CYP1A1: variants seen among roughly 807,000 people sequenced by gnomAD.
CYP1A1 encodes the protein cytochrome P450 1A1.
Under a neutral mutation model 33.6 loss-of-function variants are expected in CYP1A1, and 43 were observed. The ratio of observed to expected loss-of-function variants is 1.28; its 90% CI spans 1.00 to 1.65. The LOEUF is 1.65. Among genes scored for constraint, CYP1A1 ranks in the 40% most tolerant of loss-of-function variants. The pLI is 0.00. For missense variants in CYP1A1, 637 were observed against 653.7 expected, an observed-to-expected ratio of 0.97 and a Z score of 0.28; for synonymous variants, 280 against 257.8, an observed-to-expected ratio of 1.09 and a Z score of -0.83.
chr15:74,721,605 T>TAG lies in CYP1A1; in HGVS notation c.937_938insCT (p.Asp313AlafsTer23). 1 of 1,613,970 alleles carries TAG rather than the reference T, an allele frequency of 6.2e-7. No individual in the cohort carries two copies. Among genetic ancestry groups the TAG allele is most frequent in the African/African-American group, 1.3e-5 (1 of 74,944 alleles). The stretch of plus-strand genomic sequence containing the variant: ...GGTAACCATACCAGCTCCAAAGAGG[T>TAG]CCAAGACGATGTTAATGATCTTCTC... On this transcript the variant is annotated frameshift_variant, in exon 3 of 7. Coordinates refer to ENST00000379727, the MANE Select transcript of CYP1A1 (RefSeq NM_001319217.2). LOFTEE classifies it high-confidence loss of function.
At chr15:74,724,039 TC>T (rs1322504900) in intron 1 of CYP1A1, among the ~76,000 whole-genome samples, 1 of 152,090 alleles carries the variant, frequency 6.6e-6, no homozygotes, top group Non-Finnish European at 1.5e-5. Context: ...GTTCAACTGA[TC>T]CACAGTTTAA....
intron 1 of CYP1A1, among the ~76,000 whole-genome samples, chr15:74,724,683 G>A (rs1451936299): frequency 1.3e-5 from 2 of 150,272 alleles, no homozygotes; most frequent in Non-Finnish European, 3.0e-5. Context: ...AGGGGACAGT[G>A]CCAGGCTTTG....
At chr15:74,722,047 G>C in intron 2 of CYP1A1, 1 of 596,302 alleles carries the variant, frequency 1.7e-6, no homozygotes. Context: ...TGCATGTAAT[G>C]ACTCTTCAGT....
Position 74,720,304 on chromosome 15 carries a change from A to T in CYP1A1, c.*185T>A. 1.9e-6 allele frequency: 1 copy of T among 535,314 alleles called. No homozygotes were observed. Among genetic ancestry groups the T allele is most frequent in the South Asian group, 3.9e-5 (1 of 25,438 alleles). The allele number at this position is 535,314 out of a possible 1,614,324, so 33.2% of individuals were successfully genotyped here. ...CCTGTTGTCTCTGGAGGGTGTGCAG[A>T]GGCAAGTCCAGGGTAGGGGCAGGCA... is the stretch of plus-strand genomic sequence containing the variant. On this transcript the variant is annotated 3_prime_UTR_variant, in exon 7 of 7. Transcript: ENST00000379727.
chr15:74,722,029 C>T, intron 2 of CYP1A1: 1 of 592,932 alleles, frequency 1.7e-6, no homozygotes, highest in Non-Finnish European at 3.0e-6. Context: ...GCAACTGCCC[C>T]AGGGTCCTGC....
At chr15:74,723,866 G>A (rs35992445) in intron 1 of CYP1A1, among the ~76,000 whole-genome samples, 7 of 152,280 alleles carry the variant, frequency 4.6e-5, no homozygotes, top group African/African-American at 1.7e-4. Flanking sequence ...TCCTTTTGAA[G>A]AGTGGTCAGA....
chr15:74,723,210 G>C lies in CYP1A1; in HGVS notation c.-29-84C>G, dbSNP rs888842899. On this transcript the variant is annotated intron_variant, in intron 1 of 6. Transcript: ENST00000379727. ...CCAATATCTAGAGTGTCAGGGAAAG[G>C]GGAAACCTTTCCACCAGAACTGCTT... is the stretch of plus-strand genomic sequence containing the variant. 15 of 788,118 alleles carry C rather than the reference G, an allele frequency of 1.9e-5. No individual in the cohort carries two copies. In the African/African-American group the frequency reaches 1.9e-4, roughly 10 times the overall value. The allele number at this position is 788,118 out of a possible 1,614,324, so 48.8% of individuals were successfully genotyped here.
At position 74,723,035 on chromosome 15, in the gene CYP1A1, C is replaced by G. The variant is rs1379291210; in HGVS notation, c.63G>C (p.Leu21=). The change falls in exon 2 of 7, where the codon CTG becomes CTC. Residue 21 remains leucine (L), a synonymous_variant. Transcript: ENST00000379727. ...TTGAGGCCCTGATTACCCAGAATAC[C>G]AGACAGAAGATGACAGAGGCCAGAA... ...EFLLASVIFC[L]VFWVIRASRP... 6.2e-7 allele frequency: 1 copy of G among 1,611,682 alleles called. No individual in the cohort carries two copies. The highest frequency in any genetic ancestry group is 8.5e-7 in the Non-Finnish European group (1 of 1,178,640).
rs1271388559 is a variant in CYP1A1, at chr15:74,725,507, G to T, written c.-96C>A. The T allele has an allele frequency of 1.3e-5, 2 of 152,176 alleles. No homozygotes were observed. Among genetic ancestry groups the T allele is most frequent in the Non-Finnish European group, 2.9e-5 (2 of 68,092 alleles). 9.4% of individuals were successfully genotyped at this position (152,176 alleles called of 1,614,324 possible). ...CCTGGGATCACAAGGATCAGGGAAG[G>T]TTCCAAGGAACTGTCACCTTCAGGG... On this transcript the variant is annotated 5_prime_UTR_variant, in exon 1 of 7. Coordinates refer to ENST00000379727, the MANE Select transcript of CYP1A1 (RefSeq NM_001319217.2).
Position 74,721,964 on chromosome 15 carries a change from T to A in CYP1A1, c.826-247A>T, listed in dbSNP as rs531370109. The stretch of plus-strand genomic sequence containing the variant: ...TTATCATCTGGATGTGCTCTTTATC[T>A]TCTTTCTATTATGAGGCCAGGAGAT... On this transcript the variant is annotated intron_variant, in intron 2 of 6. Transcript: ENST00000379727. 8.3e-6 allele frequency: 5 copies of A among 599,180 alleles called. No individual in the cohort carries two copies. The South Asian group carries it at 1.1e-4, about 13-fold the overall frequency. The allele number at this position is 599,180 out of a possible 1,614,324, so 37.1% of individuals were successfully genotyped here. A position where few individuals can be genotyped will look rare whatever the true frequency, so the allele number is the denominator to read the frequency against.
chr15:74,722,917 G>T lies in CYP1A1; in HGVS notation c.181C>A (p.Leu61Met). The change falls in exon 2 of 7, where the codon CTG becomes ATG. Residue 61 changes from leucine to methionine, a missense_variant. Physicochemically the swap from Leu to Met is conservative, Grantham distance 15. Coordinates refer to ENST00000379727, the MANE Select transcript of CYP1A1 (RefSeq NM_001319217.2). ...HMLTLGKNPHLALSRMSQQYG... is the reference protein window; with the variant it reads ...HMLTLGKNPHMALSRMSQQYG... ...TGCTGGCTCATCCTTGACAGTGCCA[G>T]GTGCGGGTTCTTTCCCAGGGTCAGC... 1 of 1,614,198 alleles carries T rather than the reference G, an allele frequency of 6.2e-7. No homozygotes were observed. Among genetic ancestry groups the T allele is most frequent in the East Asian group, 2.2e-5 (1 of 44,878 alleles).
At position 74,720,452 on chromosome 15, in the gene CYP1A1, AG is replaced by A. The variant is rs1275105995; in HGVS notation, c.*36del. 1 of 1,520,062 alleles carries A rather than the reference AG, an allele frequency of 6.6e-7. No homozygotes were observed. The highest frequency in any genetic ancestry group is 8.8e-7 in the Non-Finnish European group (1 of 1,135,622). The allele number at this position is 1,520,062 out of a possible 1,614,324, so 94.2% of individuals were successfully genotyped here. Reference sequence around the variant, plus strand: ...GCTGGTCTGGCTGCCCAACCAGACCAGGTAGACAGAGTCTAGGCCTCAGGGC... The same window carrying A: ...GCTGGTCTGGCTGCCCAACCAGACCAGTAGACAGAGTCTAGGCCTCAGGGC... On this transcript the variant is annotated 3_prime_UTR_variant, in exon 7 of 7. Coordinates refer to ENST00000379727, the MANE Select transcript of CYP1A1 (RefSeq NM_001319217.2).
rs1319890121 is a variant in CYP1A1, at chr15:74,720,694, T to TCACTTAA, written c.1327_1333dup (p.Glu445ValfsTer3). 1 of 1,614,134 alleles carries TCACTTAA rather than the reference T, an allele frequency of 6.2e-7. No individual in the cohort carries two copies. Among genetic ancestry groups the TCACTTAA allele is most frequent in the Non-Finnish European group, 8.5e-7 (1 of 1,180,018 alleles). On this transcript the variant is annotated stop_gained and frameshift_variant, in exon 7 of 7. Transcript: ENST00000379727. LOFTEE classifies it high-confidence loss of function. The stretch of plus-strand genomic sequence containing the variant: ...GCCCATGCCAAAGATAATCACCTTC[T>TCACTTAA]CACTTAACACCTTGTCGATAGCACC...
rs146622566 is a variant in CYP1A1 at position 74,722,452 on chromosome 15, T to A, written c.646A>T (p.Ser216Cys). ...AAATTATTATTCAGGTTGACTAGGCTAAGCAGTTCTTGGTGGTTGTGGTCA... is the reference window on the plus strand; with the variant it reads ...AAATTATTATTCAGGTTGACTAGGCAAAGCAGTTCTTGGTGGTTGTGGTCA... ...RYDHNHQELL[S>C]LVNLNNNFGE... The change falls in exon 2 of 7, where the codon AGC (serine) becomes TGC (cysteine). Residue 216 changes from serine (S) to cysteine (C), a missense_variant. By Grantham distance (112) the Ser-to-Cys change is moderately radical (BLOSUM62 -1). Coordinates refer to ENST00000379727, the MANE Select transcript of CYP1A1 (RefSeq NM_001319217.2). 307 of 1,613,948 alleles carry A rather than the reference T, an allele frequency of 1.9e-4. No homozygotes were observed. The highest frequency in any genetic ancestry group is 2.4e-4 in the Non-Finnish European group (289 of 1,180,016).
In CYP1A1 at chr15:74,721,512, G is replaced by C. The variant is rs749380664; in HGVS notation, c.953-9C>G. ...TGTGACTGTGTCAAACCCTGGACAG[G>C]GTAGAACAGAAGAAGTTAGGCAGGC... On this transcript the variant is annotated splice_polypyrimidine_tract_variant and intron_variant, in intron 3 of 6. Coordinates refer to ENST00000379727, the MANE Select transcript of CYP1A1 (RefSeq NM_001319217.2). 3.1e-6 allele frequency: 5 copies of C among 1,614,052 alleles called. No homozygotes were observed. Among genetic ancestry groups the C allele is most frequent in the Non-Finnish European group, 4.2e-6 (5 of 1,180,034 alleles).
chr15:74,721,090 C>G (rs2063165697), intron 5 of CYP1A1, 37 bp from the exon 6 acceptor site: 7 of 1,612,762 alleles, frequency 4.3e-6, no homozygotes, highest in Non-Finnish European at 5.9e-6. Flanking sequence ...CTCAGGGCAA[C>G]AGGCAAATCT....
At position 74,720,584 on chromosome 15, in the gene CYP1A1, C is replaced by A; in HGVS notation, c.1444G>T (p.Val482Leu). The A allele has an allele frequency of 6.2e-7, 1 of 1,613,722 alleles. No homozygotes were observed. Residue 482 changes from valine (V) to leucine (L), a missense_variant, in exon 7 of 7, where the codon GTG (valine) becomes TTG (leucine). Coordinates refer to ENST00000379727, the MANE Select transcript of CYP1A1 (RefSeq NM_001319217.2). ...AILLQRVEFS[V>L]PLGVKVDMTP... Reference sequence around the variant, plus strand: ...ATGTCCACCTTCACGCCCAGTGGCACGCTGAATTCCACCCGTTGCAGCAGG... The same window carrying A: ...ATGTCCACCTTCACGCCCAGTGGCAAGCTGAATTCCACCCGTTGCAGCAGG...
intron 2 of CYP1A1, 175 bp from the exon 3 acceptor site, chr15:74,721,892 T>C: frequency 1.3e-6 from 1 of 748,838 alleles, no homozygotes; most frequent in South Asian, 1.9e-5. Flanking sequence ...CTTAGAATGC[T>C]GCTAGCCCCA....
rs757839494 is a variant in CYP1A1 at position 74,721,480 on chromosome 15, T to C, written c.976A>G (p.Ile326Val). 1.2e-6 allele frequency: 2 copies of C among 1,614,146 alleles called. No individual in the cohort carries two copies. The highest frequency in any genetic ancestry group is 1.7e-6 in the Non-Finnish European group (2 of 1,180,012). Residue 326 changes from isoleucine to valine, a missense_variant, in exon 4 of 7, where the codon ATC becomes GTC. Coordinates refer to ENST00000379727, the MANE Select transcript of CYP1A1 (RefSeq NM_001319217.2). ...ACCAAATACATGAGGCTCCAGGAGA[T>C]AGCAGTTGTGACTGTGTCAAACCCT... The part of the protein sequence containing the change: ...GAGFDTVTTA[I>V]SWSLMYLVMN...
Sources: allele counts gnomAD v4.1 joint callset (sites outside exome capture counted in the v4.1 genomes callset), GRCh38; gene constraint gnomAD v4.1.1; transcripts MANE v1.5; gene names NCBI Gene and HGNC (gene_info 2026-07-23, HGNC 2026-07-21).